The following KLHL1 variants were observed in gnomAD, a reference collection of about 807,000 sequenced individuals.
KLHL1 encodes the protein kelch-like protein 1.
A neutral mutation model predicts 77.7 loss-of-function variants in KLHL1; 47 were observed. That is an observed-to-expected ratio of 0.60 (90% CI 0.48 to 0.77). The LOEUF (loss-of-function observed/expected upper bound fraction) is 0.77, where lower values mean the gene tolerates loss of function less well. Ranked by LOEUF, KLHL1 falls within the 30% of genes least tolerant of loss-of-function variation. The probability of loss-of-function intolerance (pLI) is 0.00; values close to 1 mark genes in which losing one functional copy is unlikely to be tolerated. For synonymous variants in KLHL1, 360 were observed against 325.2 expected, an observed-to-expected ratio of 1.11 and a Z score of -1.15; for missense variants, 925 against 910.8, an observed-to-expected ratio of 1.02 and a Z score of -0.20.
At chr13:70,041,091 G>A (rs942537221) in intron 1 of KLHL1, among the ~76,000 whole-genome samples, 7 of 151,762 alleles carry the variant, frequency 4.6e-5, no homozygotes, top group Admixed American at 4.6e-4. Context: ...TTTCTCTTTG[G>A]TTCTTCATTG....
intron 7 of KLHL1, among the ~76,000 whole-genome samples, chr13:69,778,344 C>CTGT (rs1372278411): frequency 6.6e-6 from 1 of 152,086 alleles, no homozygotes; most frequent in African/African-American, 2.4e-5. Flanking sequence ...AAAAAGAAAA[C>CTGT]TGTTAGTATT....
At chr13:69,739,971 T>C (rs1873917030) in intron 8 of KLHL1, among the ~76,000 whole-genome samples, 1 of 152,160 alleles carries the variant, frequency 6.6e-6, no homozygotes, top group Non-Finnish European at 1.5e-5. Context: ...GACAGAAGAC[T>C]TCTTTCAACA....
intron 1 of KLHL1, among the ~76,000 whole-genome samples, chr13:69,980,046 A>C (rs2137297891): frequency 6.6e-6 from 1 of 152,282 alleles, no homozygotes; most frequent in African/African-American, 2.4e-5. Context: ...TATCTTTAGC[A>C]TTTAATTTCC....
chr13:69,983,378 G>T (rs1159512535), intron 1 of KLHL1, among the ~76,000 whole-genome samples: 1 of 151,882 alleles, frequency 6.6e-6, no homozygotes, highest in African/African-American at 2.4e-5. Flanking sequence ...ATATGGAAAA[G>T]ATCCCAAATA....
intron 7 of KLHL1, among the ~76,000 whole-genome samples, chr13:69,754,372 C>T (rs933162308): frequency 2.0e-5 from 3 of 152,014 alleles, no homozygotes; most frequent in Non-Finnish European, 2.9e-5. Flanking sequence ...CATTTGTTTA[C>T]AATTTAATAA....
chr13:69,776,573 A>T (rs1257681462), intron 7 of KLHL1, among the ~76,000 whole-genome samples: 1 of 152,204 alleles, frequency 6.6e-6, no homozygotes, highest in Admixed American at 6.5e-5. Flanking sequence ...CCACATGCAC[A>T]TAGAGTTGGC....
At chr13:69,840,950 T>C (rs995177641) in intron 5 of KLHL1, among the ~76,000 whole-genome samples, 1 of 151,712 alleles carries the variant, frequency 6.6e-6, no homozygotes, top group Non-Finnish European at 1.5e-5. Context: ...AGAAGGAAAA[T>C]AATTAACCTC....
At position 69,722,557 on chromosome 13, in the gene KLHL1, A is replaced by G. The variant is rs182051362; in HGVS notation, c.1803-2976T>C. The stretch of plus-strand genomic sequence containing the variant: ...AAACAGATATATGAATAAATTCTCA[A>G]CAGCACTAACCATCAGAGAAATGCA... On this transcript the variant is annotated intron_variant, in intron 8 of 10. Coordinates refer to ENST00000377844, the MANE Select transcript of KLHL1 (RefSeq NM_020866.3). 7.8e-4 allele frequency among the ~76,000 whole-genome samples: 119 copies of G among 152,118 alleles called. 2 individuals are homozygous for G. In the East Asian group the frequency reaches 0.021, roughly 26 times the overall value.
chr13:69,999,478 G>A (rs982692842), intron 1 of KLHL1, among the ~76,000 whole-genome samples: 1 of 152,050 alleles, frequency 6.6e-6, no homozygotes, highest in African/African-American at 2.4e-5. Flanking sequence ...GAGCTTGAAA[G>A]GTTTGACAGA....
At position 70,018,051 on chromosome 13, in the gene KLHL1, C is replaced by CA. The variant is rs3072681; in HGVS notation, c.498-42250dup. ...CCTCCAAGATTAAATAGAACTAGCG[C>CA]AAAAAAAAGTTGAAAATTTATCTTT... On this transcript the variant is annotated intron_variant, in intron 1 of 10. Transcript: ENST00000377844. 5.4e-3 allele frequency among the ~76,000 whole-genome samples: 813 copies of CA among 151,366 alleles called. 2 individuals carry two copies. The highest frequency in any genetic ancestry group is 0.013 in the African/African-American group (520 of 41,298).
At chr13:69,709,936 C>T (rs1215436658) in intron 9 of KLHL1, among the ~76,000 whole-genome samples, 1 of 151,770 alleles carries the variant, frequency 6.6e-6, no homozygotes, top group Non-Finnish European at 1.5e-5. Flanking sequence ...GATTTTGTCA[C>T]CATCCTGTCA....
chr13:69,838,309 A>C (rs1337942969), intron 6 of KLHL1, among the ~76,000 whole-genome samples: 5 of 151,844 alleles, frequency 3.3e-5, no homozygotes, highest in Non-Finnish European at 7.4e-5. Context: ...AGAAACAAAC[A>C]TGAAAATTAC....
chr13:69,997,486 G>A (rs1246581460), intron 1 of KLHL1, among the ~76,000 whole-genome samples: 1 of 150,900 alleles, frequency 6.6e-6, no homozygotes, highest in East Asian at 2.0e-4. Flanking sequence ...CTAGCCACGG[G>A]AAACCACCGC....
intron 6 of KLHL1, among the ~76,000 whole-genome samples, chr13:69,821,095 A>T (rs1878317944): frequency 6.6e-6 from 1 of 152,202 alleles, no homozygotes; most frequent in South Asian, 2.1e-4. Context: ...GAATTTTAAA[A>T]AAATAAAAAT....
At chr13:69,730,359 C>T (rs1593779911) in intron 8 of KLHL1, among the ~76,000 whole-genome samples, 1 of 151,014 alleles carries the variant, frequency 6.6e-6, no homozygotes, top group African/African-American at 2.4e-5. Flanking sequence ...TACTTCTCAC[C>T]CATATTAGGC....
At position 69,837,671 on chromosome 13, in the gene KLHL1, T is replaced by TACAC. The variant is rs1491326279; in HGVS notation, c.1414+1304_1414+1305insGTGT. Reference sequence around the variant, plus strand: ...GTATATATATATGTGTGTGTGTGTGTATATATATATATATATACACATATA... The same window carrying TACAC: ...GTATATATATATGTGTGTGTGTGTGTACACATATATATATATATATACACATATA... On this transcript the variant is annotated intron_variant, in intron 6 of 10. Transcript: ENST00000377844. Among the ~76,000 whole-genome samples, 343 of 123,464 alleles carry TACAC rather than the reference T, an allele frequency of 2.8e-3. 10 individuals carry two copies. Among genetic ancestry groups the TACAC allele is most frequent in the African/African-American group, 0.01 (320 of 30,836 alleles). The allele number at this position is 123,464 out of a possible 152,430, so 81.0% of individuals were successfully genotyped here.
intron 3 of KLHL1, among the ~76,000 whole-genome samples, chr13:69,951,417 AG>A (rs1883708319): frequency 6.6e-6 from 1 of 151,552 alleles, no homozygotes; most frequent in Admixed American, 6.6e-5. Context: ...TTCGCAAGTT[AG>A]TAGGAACATG....
At chr13:69,987,690 A>G (rs1884911374) in intron 1 of KLHL1, among the ~76,000 whole-genome samples, 2 of 152,086 alleles carry the variant, frequency 1.3e-5, no homozygotes. Context: ...TTCTTACACT[A>G]AAGATTTGTT....
chr13:70,038,581 A>ATTTTT (rs55885952), intron 1 of KLHL1, among the ~76,000 whole-genome samples: 4,092 of 72,962 alleles, frequency 0.056, 444 homozygotes, highest in East Asian at 0.13. Context: ...ATTGTCATTA[A>ATTTTT]TTTTTTTTTT....
Sources: gnomAD v4.1 joint callset for allele counts (sites outside exome capture counted in the v4.1 genomes callset) on GRCh38, gnomAD v4.1.1 for gene constraint, MANE v1.5 for transcripts, NCBI Gene and HGNC (gene_info 2026-07-23, HGNC 2026-07-21) for gene names.